GPR19: variants seen among roughly 807,000 people sequenced by gnomAD.
GPR19 encodes probable G protein-coupled receptor 19.
GPR19 carries 14 observed loss-of-function variants against 28.5 expected under a neutral mutation model. That is an observed-to-expected ratio of 0.49 (90% confidence interval 0.32 to 0.77). The LOEUF is 0.77. Among genes scored for constraint, GPR19 ranks in the 30% least tolerant of loss-of-function variants. The probability of loss-of-function intolerance (pLI) is 0.03; values close to 1 mark genes in which losing one functional copy is unlikely to be tolerated. For synonymous variants in GPR19, 173 were observed against 184.1 expected, an observed-to-expected ratio of 0.94 and a Z score of 0.49; for missense variants, 409 against 504.1, an observed-to-expected ratio of 0.81 and a Z score of 1.81.
In GPR19 at chr12:12,661,306, G is replaced by C; in HGVS notation, c.1143C>G (p.Ala381=). The C allele has an allele frequency of 6.2e-7, 1 of 1,613,724 alleles. No individual in the cohort carries two copies. Among genetic ancestry groups the C allele is most frequent in the East Asian group, 2.2e-5 (1 of 44,874 alleles). ...YVGISEIPSM[A]KTITKDSIYD... Reference sequence around the variant, plus strand: ...AGATCGAGTCTTTGGTAATAGTTTTGGCCATGGAAGGGATTTCTGAAATGC... The same window carrying C: ...AGATCGAGTCTTTGGTAATAGTTTTCGCCATGGAAGGGATTTCTGAAATGC... The change falls in exon 4 of 4, where the codon GCC becomes GCG. Residue 381 remains alanine (A), a synonymous_variant. Transcript: ENST00000651487. The surrounding 1 kb of genome is among the most constrained non-coding windows in gnomAD (Gnocchi z 4.2).
chr12:12,673,539 T>G (rs759746), intron 3 of GPR19, among the ~76,000 whole-genome samples: 144,837 of 152,252 alleles, frequency 0.95, 69,290 homozygotes, highest in Non-Finnish European at 1. Flanking sequence ...AAGCACCCTG[T>G]CTGAAACAGG....
the GPR19 span, among the ~76,000 whole-genome samples, chr12:12,707,551 A>G: frequency 1.5e-3 from 224 of 152,336 alleles, no homozygotes; most frequent in Non-Finnish European, 2.3e-3. Flanking sequence ...AAGAACAGCA[A>G]GTGGGTAGGT....
In GPR19 at chr12:12,680,792, G is replaced by A. The variant is rs548046888; in HGVS notation, c.-23+3559C>T. Among the ~76,000 whole-genome samples the A allele has an allele frequency of 3.4e-4, 52 of 152,168 alleles. No homozygotes were observed. The South Asian group carries it at 4.8e-3, about 14-fold the overall frequency. On this transcript the variant is annotated intron_variant, in intron 3 of 3. Transcript: ENST00000651487. ...CAACCTCCACCTACCGGGTTCAAGC[G>A]ATTCTCCTGCCTCAGCCTCCCAAGT...
chr12:12,707,425 T>C, the GPR19 span, among the ~76,000 whole-genome samples: 1 of 152,276 alleles, frequency 6.6e-6, no homozygotes, highest in Non-Finnish European at 1.5e-5. Context: ...ACTTTGGCTA[T>C]CTTTGTTCTC....
At chr12:12,672,984 T>A (rs928712308) in intron 3 of GPR19, among the ~76,000 whole-genome samples, 9 of 152,040 alleles carry the variant, frequency 5.9e-5, no homozygotes, top group Non-Finnish European at 1.2e-4. Flanking sequence ...CAAATAAAAA[T>A]GTCAATAATT....
chr12:12,689,438 C>T (rs2032763), intron 2 of GPR19, among the ~76,000 whole-genome samples: 23,220 of 152,082 alleles, frequency 0.15, 2,045 homozygotes, highest in Admixed American at 0.26. Flanking sequence ...CCCCCACTTC[C>T]CCCCAAACAA....
chr12:12,661,274 G>A lies in GPR19; in HGVS notation c.1175C>T (p.Ser392Leu). The A allele has an allele frequency of 2.5e-6, 4 of 1,613,354 alleles. No individual in the cohort carries two copies. The highest frequency in any genetic ancestry group is 3.4e-6 in the Non-Finnish European group (4 of 1,179,436). ...TTTTTCCTTGGCTTCTCTGTCAAAT[G>A]AGTCATAGATCGAGTCTTTGGTAAT... ...KTITKDSIYD[S>L]FDREAKEKKL... The change falls in exon 4 of 4, where the codon TCA (serine) becomes TTA (leucine). Residue 392 changes from serine (S) to leucine (L), a missense_variant. Physicochemically the swap from Ser to Leu is moderately radical, Grantham distance 145. Transcript: ENST00000651487. This position sits in a 1 kb window ranked among gnomAD's most constrained non-coding sequence, Gnocchi z 4.2.
chr12:12,661,433 C>T lies in GPR19; in HGVS notation c.1016G>A (p.Arg339Lys), dbSNP rs868491029. The change falls in exon 4 of 4, where the codon AGA (arginine) becomes AAA (lysine). Residue 339 changes from arginine (R) to lysine (K), a missense_variant. Coordinates refer to ENST00000651487, the MANE Select transcript of GPR19 (RefSeq NM_006143.3). The surrounding 1 kb of genome is among the most constrained non-coding windows in gnomAD (Gnocchi z 4.2). ...CATGCAAAAAGTCTCTTTCATCCCT[C>T]TCCGAAAATTGGCATTATAAATTGA... ...LYSIYNANFR[R>K]GMKETFCMSS... 1 of 1,613,418 alleles carries T rather than the reference C, an allele frequency of 6.2e-7. No individual in the cohort carries two copies. The highest frequency in any genetic ancestry group is 8.5e-7 in the Non-Finnish European group (1 of 1,179,372).
intron 2 of GPR19, among the ~76,000 whole-genome samples, chr12:12,690,431 G>A (rs1280552737): frequency 6.6e-6 from 1 of 152,112 alleles, no homozygotes; most frequent in Non-Finnish European, 1.5e-5. Flanking sequence ...GGAAGTGCAG[G>A]GAAATCAAGA....
chr12:12,715,464 C>T, the GPR19 span, among the ~76,000 whole-genome samples: 1 of 151,594 alleles, frequency 6.6e-6, no homozygotes, highest in Non-Finnish European at 1.5e-5. Context: ...GGGTATCAAC[C>T]CCTGTCCTTC....
chr12:12,666,496 C>G (rs536522176), intron 3 of GPR19, among the ~76,000 whole-genome samples: 102 of 152,298 alleles, frequency 6.7e-4, no homozygotes, highest in Middle Eastern at 3.4e-3. Context: ...TTTAATTGCT[C>G]TGGAGTGCAG....
intron 3 of GPR19, among the ~76,000 whole-genome samples, chr12:12,679,790 G>T (rs939089466): frequency 6.6e-6 from 1 of 152,046 alleles, no homozygotes; most frequent in African/African-American, 2.4e-5. Context: ...GCCTGCCTGG[G>T]GTTCAAGTCA....
chr12:12,678,322 T>C (rs1472576617), intron 3 of GPR19, among the ~76,000 whole-genome samples: 3 of 152,196 alleles, frequency 2.0e-5, no homozygotes, highest in African/African-American at 7.2e-5. Context: ...CCAATGATTA[T>C]TTATTAGTAA....
chr12:12,688,790 T>G (rs1946132719), intron 2 of GPR19: 1 of 151,876 alleles, frequency 6.6e-6, no homozygotes, highest in Non-Finnish European at 1.5e-5. Flanking sequence ...CCAGGGGAGG[T>G]GGCCAATACT....
At chr12:12,716,752 C>G in the GPR19 span, 9 of 985,318 alleles carry the variant, frequency 9.1e-6, no homozygotes, top group Non-Finnish European at 1.1e-5. Context: ...CCCCCAGCCT[C>G]CCCAGGGATG....
chr12:12,677,207 T>C (rs1337682855), intron 3 of GPR19, among the ~76,000 whole-genome samples: 1 of 136,694 alleles, frequency 7.3e-6, no homozygotes, highest in Non-Finnish European at 1.6e-5. Flanking sequence ...GATGTTAATT[T>C]TTTTTTTTTT....
chr12:12,697,126 G>C (rs1384400913), upstream of GPR19, among the ~76,000 whole-genome samples: 1 of 106,482 alleles, frequency 9.4e-6, no homozygotes, highest in Non-Finnish European at 1.7e-5. Context: ...AAACCTACAT[G>C]ATTTAAGACT....
chr12:12,671,624 G>A (rs191277047), intron 3 of GPR19, among the ~76,000 whole-genome samples: 24 of 152,114 alleles, frequency 1.6e-4, no homozygotes, highest in African/African-American at 5.5e-4. Context: ...TTTTTAAACA[G>A]AGATGTTTTC....
At position 12,661,545 on chromosome 12, in the gene GPR19, C is replaced by A; in HGVS notation, c.904G>T (p.Glu302Ter). Residue 302 changes from glutamate to a stop codon, truncating the protein, a stop_gained, in exon 4 of 4, where the codon GAA becomes TAA. Coordinates refer to ENST00000651487, the MANE Select transcript of GPR19 (RefSeq NM_006143.3). LOFTEE classifies it high-confidence loss of function. This position sits in a 1 kb window ranked among gnomAD's most constrained non-coding sequence, Gnocchi z 4.2. The stretch of plus-strand genomic sequence containing the variant: ...AGGGAACTTTTCTTATAGTCTTGTT[C>A]ATGGGGGTGCCATAGCTGAGCTACA... ...FHVAQLWHPHEQDYKKSSLVF... is the reference protein window; with the variant it reads ...FHVAQLWHPH 1 of 1,613,702 alleles carries A rather than the reference C, an allele frequency of 6.2e-7. No homozygotes were observed. The highest frequency in any genetic ancestry group is 8.5e-7 in the Non-Finnish European group (1 of 1,179,612).
Sources: gnomAD v4.1 joint callset for allele counts (sites outside exome capture counted in the v4.1 genomes callset) on GRCh38, gnomAD v4.1.1 for gene constraint, Gnocchi (gnomAD v3.1) non-coding constraint, MANE v1.5 for transcripts, NCBI Gene and HGNC (gene_info 2026-07-23, HGNC 2026-07-21) for gene names.